Variants in NCF2 observed in about 807,000 individuals in gnomAD.
NCF2 encodes neutrophil cytosolic factor 2, also known as neutrophil cytosol factor 2.
In NCF2, 45 loss-of-function variants were observed where a neutral mutation model predicts 70.9. The ratio of observed to expected loss-of-function variants is 0.63; its 90% confidence interval spans 0.50 to 0.81. The LOEUF is 0.81. Among genes scored for constraint, NCF2 ranks in the 40% least tolerant of loss-of-function variants. NCF2 has a pLI of 0.00. For synonymous variants in NCF2, 203 were observed against 233.6 expected, an observed-to-expected ratio of 0.87 and a Z score of 1.19; for missense variants, 522 against 631.6, an observed-to-expected ratio of 0.83 and a Z score of 1.86.
At position 183,556,044 on chromosome 1, in the gene NCF2, A is replaced by C; in HGVS notation, c.*74T>G. The C allele has an allele frequency of 2.5e-6, 3 of 1,221,292 alleles. No individual in the cohort carries two copies. The South Asian group carries it at 3.6e-5, about 15-fold the overall frequency. The allele number at this position is 1,221,292 out of a possible 1,614,324, so 75.7% of individuals were successfully genotyped here. On this transcript the variant is annotated 3_prime_UTR_variant, in exon 15 of 15. Transcript: ENST00000367535. The stretch of plus-strand genomic sequence containing the variant: ...ACTGTAATGTCTCAGTACAGTATAC[A>C]GCAGAAGGGTGCTAAATCTTACAAA...
At chr1:183,586,192 G>A (rs1673339741) in intron 2 of NCF2, among the ~76,000 whole-genome samples, 1 of 152,174 alleles carries the variant, frequency 6.6e-6, no homozygotes, top group Non-Finnish European at 1.5e-5. Context: ...AAATTAGCTG[G>A]GTGTGGTGGC....
chr1:183,581,975 G>C (rs1379785376), intron 2 of NCF2, among the ~76,000 whole-genome samples: 2 of 152,150 alleles, frequency 1.3e-5, no homozygotes, highest in African/African-American at 4.8e-5. Flanking sequence ...CCAACTAAGT[G>C]TCGTTTTTAA....
rs536219722 is a variant in NCF2 at position 183,563,741 on chromosome 1, C to T, written c.1027-156G>A. ...GTTTCACAGTAGCCTAAAAGGCCTT[C>T]AGAGGTCCTTTAGCCCAACCCTTGC... On this transcript the variant is annotated intron_variant, in intron 11 of 14. Coordinates refer to ENST00000367535, the MANE Select transcript of NCF2 (RefSeq NM_000433.4). 3.6e-5 allele frequency: 34 copies of T among 952,628 alleles called. No individual in the cohort carries two copies. In the South Asian group the frequency reaches 4.5e-4, roughly 13 times the overall value. The allele number at this position is 952,628 out of a possible 1,614,324, so 59.0% of individuals were successfully genotyped here.
upstream of NCF2, among the ~76,000 whole-genome samples, chr1:183,595,013 G>A (rs921942009): frequency 3.3e-5 from 5 of 152,284 alleles, no homozygotes; most frequent in South Asian, 4.1e-4. Context: ...TAGCTGCTCC[G>A]TGATCATTGG....
chr1:183,559,471 C>CACA (rs1671941049), intron 14 of NCF2, among the ~76,000 whole-genome samples: 1 of 152,208 alleles, frequency 6.6e-6, no homozygotes, highest in Non-Finnish European at 1.5e-5. Flanking sequence ...GGTCATACAG[C>CACA]TTGATGCAAA....
At chr1:183,571,837 G>A (rs537359841) in intron 5 of NCF2, among the ~76,000 whole-genome samples, 6 of 152,146 alleles carry the variant, frequency 3.9e-5, no homozygotes, top group Admixed American at 2.0e-4. Context: ...TCCTATAAAC[G>A]GAATTGTACA....
At chr1:183,561,093 A>G (rs2102877619) in intron 13 of NCF2, among the ~76,000 whole-genome samples, 1 of 152,350 alleles carries the variant, frequency 6.6e-6, no homozygotes, top group Non-Finnish European at 1.5e-5. Context: ...TACTTGTTTT[A>G]TCTGTAACAA....
intron 9 of NCF2, 71 bp downstream of exon 9, chr1:183,566,849 G>A: frequency 8.2e-6 from 13 of 1,587,530 alleles, no homozygotes; most frequent in Non-Finnish European, 1.0e-5. Flanking sequence ...CTTTTACACT[G>A]CTTTTCTCCC....
chr1:183,587,198 A>G (rs943875129), intron 1 of NCF2, among the ~76,000 whole-genome samples: 1 of 152,236 alleles, frequency 6.6e-6, no homozygotes, highest in African/African-American at 2.4e-5. Flanking sequence ...TTGTATTGTC[A>G]TTCCAGTTCT....
At chr1:183,593,779 G>C (rs556018991), upstream of NCF2, among the ~76,000 whole-genome samples, 5 of 152,222 alleles carry the variant, frequency 3.3e-5, no homozygotes, top group African/African-American at 1.2e-4. Flanking sequence ...GTTAGTAGAC[G>C]GTCTGTTCAG....
intron 2 of NCF2, among the ~76,000 whole-genome samples, chr1:183,581,491 T>C (rs990178426): frequency 6.6e-6 from 1 of 151,592 alleles, no homozygotes; most frequent in African/African-American, 2.4e-5. Flanking sequence ...ATTACTTATT[T>C]TATTTATTAA....
At chr1:183,564,171 T>C in intron 10 of NCF2, 141 bp from the exon 11 acceptor site, 1 of 855,696 alleles carries the variant, frequency 1.2e-6, no homozygotes, top group Non-Finnish European at 2.0e-6. Context: ...ATTATTAACC[T>C]TAGTAAACTG....
intron 1 of NCF2, among the ~76,000 whole-genome samples, chr1:183,587,995 CCAGT>C (rs1456387105): frequency 1.3e-5 from 2 of 152,106 alleles, no homozygotes; most frequent in Non-Finnish European, 2.9e-5. Context: ...AAGCTTTGAG[CCAGT>C]AGACACTATG....
upstream of NCF2, among the ~76,000 whole-genome samples, chr1:183,593,968 A>G (rs1437393892): frequency 6.6e-6 from 1 of 152,240 alleles, no homozygotes; most frequent in Non-Finnish European, 1.5e-5. Flanking sequence ...TCTACTAGAC[A>G]GCATTGTGAG....
Position 183,566,940 on chromosome 1 carries a change from G to A in NCF2, c.904C>T (p.His302Tyr), listed in dbSNP as rs1356778202. Residue 302 changes from histidine to tyrosine, a missense_variant, in exon 9 of 15, where the codon CAC becomes TAC. Transcript: ENST00000367535. Reference sequence around the variant, plus strand: ...ATTACCTGGGGCTGCTGCTGAGGGTGGATCCGCAGCTCAACTGGTTCAAGG... The same window carrying A: ...ATTACCTGGGGCTGCTGCTGAGGGTAGATCCGCAGCTCAACTGGTTCAAGG... ...NYLEPVELRIHPQQQPQEESS... is the reference protein window; with the variant it reads ...NYLEPVELRIYPQQQPQEESS... 2 of 1,613,952 alleles carry A rather than the reference G, an allele frequency of 1.2e-6. No individual in the cohort carries two copies. The highest frequency in any genetic ancestry group is 4.5e-5 in the East Asian group (2 of 44,902).
intron 10 of NCF2, 104 bp from the exon 11 acceptor site, chr1:183,564,134 A>G: frequency 9.1e-7 from 1 of 1,103,020 alleles, no homozygotes; most frequent in Non-Finnish European, 1.4e-6. Flanking sequence ...AGGGCCCCCA[A>G]CCTCTTACCC....
At chr1:183,564,058 A>C (rs778995405) in intron 10 of NCF2, 28 bp from the exon 11 acceptor site, 1 of 1,603,256 alleles carries the variant, frequency 6.2e-7, no homozygotes, top group Non-Finnish European at 8.5e-7. Flanking sequence ...GGAGTAAAAC[A>C]AAAGAAGATG....
the NCF2 span, among the ~76,000 whole-genome samples, chr1:183,599,546 CTTCT>C: frequency 1.6e-3 from 178 of 113,808 alleles, 2 homozygotes; most frequent in Middle Eastern, 0.032. Context: ...TCTTTCTTTC[CTTCT>C]TTCTTTCTTT....
At chr1:183,589,027 G>T (rs1460183938) in intron 1 of NCF2, among the ~76,000 whole-genome samples, 1 of 152,188 alleles carries the variant, frequency 6.6e-6, no homozygotes, top group Non-Finnish European at 1.5e-5. Flanking sequence ...AGAGGAGGTG[G>T]GGCCATGTCC....
Sources: gnomAD v4.1 joint callset for allele counts (sites outside exome capture counted in the v4.1 genomes callset) on GRCh38, gnomAD v4.1.1 for gene constraint, MANE v1.5 for transcripts, NCBI Gene and HGNC (gene_info 2026-07-23, HGNC 2026-07-21) for gene names.